Variants in TNRC6B observed in about 807,000 individuals in gnomAD.
The protein encoded by TNRC6B is trinucleotide repeat containing adaptor 6B.
TNRC6B carries 52 observed loss-of-function variants against 203.6 expected under a neutral mutation model. That is an observed-to-expected ratio of 0.26 (90% CI 0.20 to 0.32). The LOEUF (loss-of-function observed/expected upper bound fraction) is 0.32. TNRC6B is among the 10% of genes least tolerant of loss of function. TNRC6B has a pLI of 1.00. For synonymous variants in TNRC6B, 838 were observed against 845.7 expected, an observed-to-expected ratio of 0.99 and a Z score of 0.16; for missense variants, 1,923 against 2,286.2, an observed-to-expected ratio of 0.84 and a Z score of 3.24.
intron 3 of TNRC6B, among the ~76,000 whole-genome samples, chr22:40,147,691 C>T (rs1471541420): frequency 1.3e-5 from 2 of 152,206 alleles, no homozygotes; most frequent in Non-Finnish European, 2.9e-5. Context: ...CCCCACCTCC[C>T]AACACTATTG....
chr22:40,302,731 C>T (rs2071039564), intron 15 of TNRC6B, among the ~76,000 whole-genome samples: 1 of 152,024 alleles, frequency 6.6e-6, no homozygotes, highest in Non-Finnish European at 1.5e-5. Context: ...TGTGCGCCAA[C>T]CCCGTGATCC....
At chr22:40,194,339 G>T (rs928217393) in intron 1 of TNRC6B, among the ~76,000 whole-genome samples, 6 of 151,826 alleles carry the variant, frequency 4.0e-5, no homozygotes, top group Non-Finnish European at 8.8e-5. Flanking sequence ...AGACTGTGTT[G>T]CCCGAGGCTA....
At chr22:40,142,764 T>C (rs2068656082) in intron 3 of TNRC6B, among the ~76,000 whole-genome samples, 1 of 152,198 alleles carries the variant, frequency 6.6e-6, no homozygotes, top group African/African-American at 2.4e-5. Context: ...CCTATAGTTG[T>C]ATAATTGATT....
At chr22:40,290,330 CTG>C (rs1350182007) in intron 12 of TNRC6B, among the ~76,000 whole-genome samples, 3 of 152,302 alleles carry the variant, frequency 2.0e-5, no homozygotes, top group South Asian at 2.1e-4. Flanking sequence ...CTGCACAGCA[CTG>C]TGCTAAAACA....
At chr22:40,254,311 C>A (rs113781952) in intron 3 of TNRC6B, among the ~76,000 whole-genome samples, 1 of 152,230 alleles carries the variant, frequency 6.6e-6, no homozygotes, top group East Asian at 1.9e-4. Context: ...AGCCCAATTG[C>A]GTAGACTATG....
intron 21 of TNRC6B, among the ~76,000 whole-genome samples, chr22:40,318,848 A>G (rs1190399212): frequency 1.3e-5 from 2 of 152,110 alleles, no homozygotes; most frequent in Admixed American, 6.5e-5. Context: ...AGGCAGGTGG[A>G]TCACCTGAGG....
At chr22:40,067,027 C>T (rs1181801530) in intron 1 of TNRC6B, among the ~76,000 whole-genome samples, 2 of 151,930 alleles carry the variant, frequency 1.3e-5, no homozygotes, top group African/African-American at 4.8e-5. Context: ...CCTCACCTTC[C>T]TGAGTAGCTG....
chr22:40,153,766 T>G (rs1389694300), intron 3 of TNRC6B, among the ~76,000 whole-genome samples: 1 of 151,546 alleles, frequency 6.6e-6, no homozygotes, highest in Non-Finnish European at 1.5e-5. Flanking sequence ...GTTGTGAGGG[T>G]GGGGCAGGGG....
At position 40,328,514 on chromosome 22, in the gene TNRC6B, A is replaced by G. The variant is rs897776714; in HGVS notation, c.*5273A>G. 3 of 152,106 alleles carry G rather than the reference A, an allele frequency of 2.0e-5. No individual in the cohort carries two copies. The highest frequency in any genetic ancestry group is 2.4e-5 in the African/African-American group (1 of 41,422). 9.4% of individuals were successfully genotyped at this position (152,106 alleles called of 1,614,324 possible). On this transcript the variant is annotated 3_prime_UTR_variant, in exon 23 of 23. Coordinates refer to ENST00000454349, the MANE Select transcript of TNRC6B (RefSeq NM_001162501.2). ...CATAGGCTGTTAACTTTTTGCAACTATTCACTCATTTTTACCACTTTTTTT... is the reference window on the plus strand; with the variant it reads ...CATAGGCTGTTAACTTTTTGCAACTGTTCACTCATTTTTACCACTTTTTTT...
intron 1 of TNRC6B, among the ~76,000 whole-genome samples, chr22:40,208,089 G>A (rs1380686444): frequency 1.4e-5 from 2 of 138,826 alleles, no homozygotes; most frequent in Admixed American, 8.9e-5. Context: ...TCCAGCCTGG[G>A]CAATAGAGTG....
Position 40,265,572 on chromosome 22 carries a change from A to G in TNRC6B, c.1342A>G (p.Asn448Asp), listed in dbSNP as rs2070466087. Residue 448 changes from asparagine to aspartate, a missense_variant, in exon 5 of 23, where the codon AAC (asparagine) becomes GAC (aspartate). By Grantham distance (23) the Asn-to-Asp change is conservative. Coordinates refer to ENST00000454349, the MANE Select transcript of TNRC6B (RefSeq NM_001162501.2). ...ACAAAGCAATTCTGGAAACAATGGG[A>G]ACAATGGAAAAGAGAGAGAGGACTC... ...SGQSNSGNNG[N>D]NGKEREDSWK... 1 of 1,613,816 alleles carries G rather than the reference A, an allele frequency of 6.2e-7. No individual in the cohort carries two copies.
chr22:40,319,141 G>A (rs1867476534), intron 21 of TNRC6B, among the ~76,000 whole-genome samples: 1 of 151,926 alleles, frequency 6.6e-6, no homozygotes, highest in South Asian at 2.1e-4. Context: ...GTTTGGGTTA[G>A]AACTAATTTT....
chr22:40,254,553 G>C (rs774883488), intron 3 of TNRC6B, among the ~76,000 whole-genome samples: 7 of 152,100 alleles, frequency 4.6e-5, no homozygotes, highest in African/African-American at 7.2e-5. Context: ...TAGAGTGATG[G>C]CTGGCTTTAA....
intron 4 of TNRC6B, among the ~76,000 whole-genome samples, chr22:40,264,420 C>A (rs1201395082): frequency 6.6e-6 from 1 of 152,014 alleles, no homozygotes; most frequent in Admixed American, 6.5e-5. Context: ...ATTGCCTTGT[C>A]CCAAGATACA....
At chr22:40,050,251 G>A (rs1349985700) in intron 1 of TNRC6B, among the ~76,000 whole-genome samples, 3 of 152,136 alleles carry the variant, frequency 2.0e-5, no homozygotes, top group Non-Finnish European at 4.4e-5. Flanking sequence ...GCATTTCCTT[G>A]TGGTCAAAAC....
chr22:40,130,871 T>A (rs978611902), intron 3 of TNRC6B, among the ~76,000 whole-genome samples: 5 of 150,464 alleles, frequency 3.3e-5, no homozygotes, highest in Non-Finnish European at 7.4e-5. Flanking sequence ...CAAGTATAGA[T>A]CAGGAGCCCT....
chr22:40,214,117 A>AC (rs1441877742), intron 1 of TNRC6B, among the ~76,000 whole-genome samples: 3 of 151,878 alleles, frequency 2.0e-5, no homozygotes, highest in Non-Finnish European at 4.4e-5. Context: ...AAATATAAAA[A>AC]CTAGCCGGGC....
chr22:40,132,399 C>T (rs1007387695), intron 3 of TNRC6B, among the ~76,000 whole-genome samples: 1 of 148,948 alleles, frequency 6.7e-6, no homozygotes, highest in Non-Finnish European at 1.5e-5. Flanking sequence ...CGGGACGGGA[C>T]GGAGCCAGGA....
At position 40,264,785 on chromosome 22, in the gene TNRC6B, C is replaced by T. The variant is rs371222263; in HGVS notation, c.555C>T (p.His185=). ...SNNGTSPNPI[H]IWDKVIVDGS... ...ACGGCACCTCCCCCAACCCAATTCA[C>T]ATCTGGGACAAGGTGATTGTAGACG... Residue 185 remains histidine (H), a synonymous_variant, in exon 5 of 23, where the codon CAC becomes CAT. Coordinates refer to ENST00000454349, the MANE Select transcript of TNRC6B (RefSeq NM_001162501.2). 5.6e-6 allele frequency: 9 copies of T among 1,613,896 alleles called. No homozygotes were observed. In the South Asian group the frequency reaches 9.9e-5, roughly 18 times the overall value.
Sources: gnomAD v4.1 joint callset for allele counts (sites outside exome capture counted in the v4.1 genomes callset) on GRCh38, gnomAD v4.1.1 for gene constraint, MANE v1.5 for transcripts, NCBI Gene and HGNC (gene_info 2026-07-23, HGNC 2026-07-21) for gene names.